The following MYO16 variants were observed in gnomAD, a reference collection of about 807,000 sequenced individuals.
MYO16 encodes the protein myosin XVI.
In MYO16, 94 loss-of-function variants were observed where a neutral mutation model predicts 205.3. The observed-to-expected ratio is 0.46, with a 90% CI of 0.39 to 0.54. The LOEUF (loss-of-function observed/expected upper bound fraction) is 0.54, where lower values mean the gene tolerates loss of function less well. Ranked by LOEUF, MYO16 falls within the 20% of genes least tolerant of loss-of-function variation. MYO16 has a pLI of 0.00. For synonymous variants in MYO16, 988 were observed against 954.0 expected (o/e 1.04, Z -0.66); for missense variants, 2,315 against 2,387.5 (o/e 0.97, Z 0.63).
chr13:108,758,544 G>A (rs1449738816), intron 4 of MYO16, among the ~76,000 whole-genome samples: 1 of 152,160 alleles, frequency 6.6e-6, no homozygotes, highest in Non-Finnish European at 1.5e-5. Flanking sequence ...CATGTGCACA[G>A]GCAGATGGAG....
the MYO16 span, among the ~76,000 whole-genome samples, chr13:108,560,308 T>A: frequency 1.3e-5 from 2 of 152,172 alleles, no homozygotes; most frequent in African/African-American, 4.8e-5. Flanking sequence ...CATGGCAATA[T>A]CAAACCAATG....
intron 27 of MYO16, among the ~76,000 whole-genome samples, chr13:109,070,926 G>T (rs911607024): frequency 1.3e-5 from 2 of 152,106 alleles, no homozygotes; most frequent in Non-Finnish European, 2.9e-5. Flanking sequence ...GAAAAATTCA[G>T]TTAGAGCTGA....
chr13:108,535,885 C>A, the MYO16 span, among the ~76,000 whole-genome samples: 1 of 152,012 alleles, frequency 6.6e-6, no homozygotes, highest in African/African-American at 2.4e-5. Context: ...TGTCTTAATA[C>A]CCTTTCTTCT....
the MYO16 span, among the ~76,000 whole-genome samples, chr13:108,568,363 T>C: frequency 0.017 from 2,648 of 152,252 alleles, 92 homozygotes; most frequent in African/African-American, 0.061. Flanking sequence ...ACACTTATAA[T>C]TGTCTGAGTT....
chr13:108,536,392 C>A, the MYO16 span, among the ~76,000 whole-genome samples: 2 of 135,196 alleles, frequency 1.5e-5, no homozygotes, highest in South Asian at 4.5e-4. Context: ...AATAATGTTG[C>A]AAGAGAGAGC....
chr13:109,023,667 G>GCATATATA (rs1566468200), intron 23 of MYO16, among the ~76,000 whole-genome samples: 2 of 53,548 alleles, frequency 3.7e-5, no homozygotes, highest in Non-Finnish European at 8.1e-5. Context: ...ATGTATATAT[G>GCATATATA]CAAATATATG....
intron 17 of MYO16, among the ~76,000 whole-genome samples, chr13:108,960,615 T>C (rs1245592793): frequency 1.8e-4 from 28 of 152,184 alleles, no homozygotes; most frequent in Non-Finnish European, 4.4e-5. Context: ...TTAGAACCGC[T>C]TCCACAGTAG....
chr13:109,022,861 A>G (rs1373926220), intron 23 of MYO16, among the ~76,000 whole-genome samples: 1 of 135,498 alleles, frequency 7.4e-6, no homozygotes, highest in African/African-American at 2.7e-5. Context: ...ATTATACTCA[A>G]TATATAAACA....
At chr13:108,510,485 T>TTTTTTTTTTTTTTTA in the MYO16 span, among the ~76,000 whole-genome samples, 9 of 96,464 alleles carry the variant, frequency 9.3e-5, no homozygotes, top group East Asian at 3.3e-4. Flanking sequence ...TTTTTTTTTT[T>TTTTTTTTTTTTTTTA]ATTGTACTTT....
intron 4 of MYO16, among the ~76,000 whole-genome samples, chr13:108,783,286 G>C (rs1032416370): frequency 3.9e-5 from 6 of 152,186 alleles, no homozygotes; most frequent in African/African-American, 1.4e-4. Context: ...TTTAAAATGT[G>C]ACTGCCCTAC....
At chr13:108,622,646 A>C (rs1024116018) in intron 1 of MYO16, among the ~76,000 whole-genome samples, 1 of 136,616 alleles carries the variant, frequency 7.3e-6, no homozygotes, top group African/African-American at 2.7e-5. Context: ...GGAGGGGGGA[A>C]GGCAGATGTT....
intron 32 of MYO16, chr13:109,164,010 C>T (rs758300623): frequency 6.6e-6 from 1 of 152,204 alleles, no homozygotes; most frequent in Non-Finnish European, 1.5e-5. Flanking sequence ...TCACGCATAT[C>T]CTTGATGCTG....
chr13:108,860,198 C>T (rs914012409), intron 11 of MYO16, among the ~76,000 whole-genome samples: 1 of 152,118 alleles, frequency 6.6e-6, no homozygotes, highest in Non-Finnish European at 1.5e-5. Flanking sequence ...TGGTGACTAC[C>T]GTTTCCTTCT....
At chr13:108,862,183 C>T (rs780198064) in intron 11 of MYO16, among the ~76,000 whole-genome samples, 3 of 152,102 alleles carry the variant, frequency 2.0e-5, no homozygotes, top group Non-Finnish European at 4.4e-5. Context: ...AAATGCCAAA[C>T]ATCTATAATC....
At chr13:108,501,794 A>C in the MYO16 span, among the ~76,000 whole-genome samples, 1 of 152,220 alleles carries the variant, frequency 6.6e-6, no homozygotes, top group African/African-American at 2.4e-5. Flanking sequence ...CAGCGCATAC[A>C]GCCTAACGTA....
intron 27 of MYO16, among the ~76,000 whole-genome samples, chr13:109,066,898 A>C (rs1464385408): frequency 6.6e-6 from 1 of 152,188 alleles, no homozygotes; most frequent in African/African-American, 2.4e-5. Flanking sequence ...ACGATTTGAA[A>C]GGCAACTTGG....
intron 23 of MYO16, 31 bp downstream of exon 23, chr13:109,019,942 G>T: frequency 1.3e-6 from 2 of 1,598,110 alleles, no homozygotes; most frequent in Non-Finnish European, 1.7e-6. Context: ...AATTTTTCAT[G>T]TGCACTAATG....
At position 108,632,140 on chromosome 13, in the gene MYO16, G is replaced by T. The variant is rs74652540; in HGVS notation, c.28+2268G>T. On this transcript the variant is annotated intron_variant, in intron 1 of 34. Transcript: ENST00000457511. ...TGGTATCCTAAGGGTTTATTGATAAGGATCATAATTCATGGTTTAATGGTT... is the reference window on the plus strand; with the variant it reads ...TGGTATCCTAAGGGTTTATTGATAATGATCATAATTCATGGTTTAATGGTT... Among the ~76,000 whole-genome samples, 1,083 of 150,494 alleles carry T rather than the reference G, an allele frequency of 7.2e-3. 7 individuals carry two copies. Among genetic ancestry groups the T allele is most frequent in the Non-Finnish European group, 0.011 (723 of 67,700 alleles).
intron 11 of MYO16, among the ~76,000 whole-genome samples, chr13:108,864,181 T>A (rs1236834982): frequency 6.6e-6 from 1 of 152,140 alleles, no homozygotes; most frequent in Non-Finnish European, 1.5e-5. Context: ...TTTTACTCAT[T>A]TATTTCTTTA....
Sources: allele counts gnomAD v4.1 joint callset (sites outside exome capture counted in the v4.1 genomes callset), GRCh38; gene constraint gnomAD v4.1.1; transcripts MANE v1.5; gene names NCBI Gene and HGNC (gene_info 2026-07-23, HGNC 2026-07-21).